Variants in EIF4G3 observed in about 807,000 individuals in gnomAD.
The protein encoded by EIF4G3 is eIF-4-gamma 3.
A neutral mutation model predicts 186.4 loss-of-function variants in EIF4G3; 34 were observed. That is an observed-to-expected ratio of 0.18 (90% CI 0.14 to 0.24). The LOEUF (loss-of-function observed/expected upper bound fraction) is 0.24, where lower values mean the gene tolerates loss of function less well. Ranked by LOEUF, EIF4G3 falls within the 10% of genes least tolerant of loss-of-function variation. EIF4G3 has a pLI of 1.00. For missense variants in EIF4G3, 1,536 were observed against 1,948.5 expected (o/e 0.79, Z 3.99); for synonymous variants, 673 against 679.5 (o/e 0.99, Z 0.15).
At chr1:20,812,760 TTA>T (rs1180580452) in intron 35 of EIF4G3, among the ~76,000 whole-genome samples, 1 of 152,210 alleles carries the variant, frequency 6.6e-6, no homozygotes, top group East Asian at 1.9e-4. Context: ...ATGTATGTAC[TTA>T]TATAACATGA....
intron 3 of EIF4G3, among the ~76,000 whole-genome samples, chr1:21,057,547 AG>A (rs1388546234): frequency 6.6e-6 from 1 of 152,146 alleles, no homozygotes; most frequent in Non-Finnish European, 1.5e-5. Flanking sequence ...TTCTGGGGAG[AG>A]AGGAAATTAT....
intron 2 of EIF4G3, among the ~76,000 whole-genome samples, chr1:21,172,118 C>CAAAAAAAA: frequency 9.5e-6 from 1 of 105,532 alleles, no homozygotes; most frequent in Non-Finnish European, 2.0e-5. Flanking sequence ...CCTCCTCTAG[C>CAAAAAAAA]AAAAAAAAAA....
chr1:21,127,181 G>A (rs190655290), intron 2 of EIF4G3, among the ~76,000 whole-genome samples: 34 of 152,226 alleles, frequency 2.2e-4, no homozygotes, highest in Middle Eastern at 3.4e-3. Flanking sequence ...TAAATATGGG[G>A]TCTCACTATG....
chr1:20,835,700 G>A (rs993124209), intron 30 of EIF4G3, among the ~76,000 whole-genome samples: 7 of 152,148 alleles, frequency 4.6e-5, no homozygotes, highest in Admixed American at 1.3e-4. Flanking sequence ...AGCACTTTGA[G>A]AGGCCAAGGT....
intron 3 of EIF4G3, among the ~76,000 whole-genome samples, chr1:21,052,104 A>T (rs1003290334): frequency 6.6e-6 from 1 of 152,204 alleles, no homozygotes; most frequent in African/African-American, 2.4e-5. Context: ...AATAATCACA[A>T]ATTTATACAA....
rs1221958542 is a variant in EIF4G3 at position 21,176,184 on chromosome 1, G to A, written c.-281C>T. Reference sequence around the variant, plus strand: ...AAGGTGAAAAGGATACTGTTGGGGCGCCTGAGTCTGGAGGGCCCTGATGTT... The same window carrying A: ...AAGGTGAAAAGGATACTGTTGGGGCACCTGAGTCTGGAGGGCCCTGATGTT... On this transcript the variant is annotated 5_prime_UTR_variant, in exon 2 of 37. Transcript: ENST00000602326. 1 of 420,162 alleles carries A rather than the reference G, an allele frequency of 2.4e-6. No homozygotes were observed. Among genetic ancestry groups the A allele is most frequent in the South Asian group, 5.9e-5 (1 of 16,836 alleles). 26.0% of individuals were successfully genotyped at this position (420,162 alleles called of 1,614,324 possible).
intron 6 of EIF4G3, among the ~76,000 whole-genome samples, chr1:21,000,434 C>T (rs2083244631): frequency 6.6e-6 from 1 of 152,048 alleles, no homozygotes; most frequent in South Asian, 2.1e-4. Flanking sequence ...AGCTGCTCTA[C>T]AAAGCCACAG....
chr1:20,900,692 T>G (rs1343876154), intron 15 of EIF4G3, among the ~76,000 whole-genome samples: 3 of 152,112 alleles, frequency 2.0e-5, no homozygotes. Context: ...TCAAAACTCC[T>G]TGAGGCAAAG....
At chr1:20,838,133 C>T (rs79992715) in intron 30 of EIF4G3, among the ~76,000 whole-genome samples, 3 of 152,108 alleles carry the variant, frequency 2.0e-5, no homozygotes, top group Non-Finnish European at 4.4e-5. Flanking sequence ...ACTGTAGCCA[C>T]GTCTGGTTAT....
rs182307855 is a variant in EIF4G3 at position 21,037,751 on chromosome 1, T to C, written c.-67+13115A>G. ...TGTATAAGATCTGAAAATGGGGGCA[T>C]CTTGCTCCTTTCAGTGAAAACCATC... On this transcript the variant is annotated intron_variant, in intron 4 of 36. Transcript: ENST00000602326. 3.5e-3 allele frequency among the ~76,000 whole-genome samples: 526 copies of C among 152,360 alleles called. 3 individuals are homozygous for C. Among genetic ancestry groups the C allele is most frequent in the Admixed American group, 8.4e-3 (128 of 15,310 alleles).
chr1:20,895,066 A>G (rs1057418343), intron 17 of EIF4G3, among the ~76,000 whole-genome samples: 5 of 152,050 alleles, frequency 3.3e-5, no homozygotes, highest in Non-Finnish European at 5.9e-5. Context: ...CAATTTAGCC[A>G]TGTTTCCCCC....
chr1:20,895,425 A>G lies in EIF4G3; in HGVS notation c.2076T>C (p.Pro692=), dbSNP rs150820198. 1.2e-6 allele frequency: 2 copies of G among 1,614,130 alleles called. No individual in the cohort carries two copies. Among genetic ancestry groups the G allele is most frequent in the East Asian group, 4.5e-5 (2 of 44,874 alleles). The change falls in exon 17 of 37, where the codon CCT becomes CCC. Residue 692 remains proline (P), a synonymous_variant. Coordinates refer to ENST00000602326, the MANE Select transcript of EIF4G3 (RefSeq NM_001391906.1). ...REFLLDFQFM[P]ACIQKPEGLP... ...GGCCCTCTGGTTTTTGTATACAGGC[A>G]GGCATGAACTGGAAGTCCAGCAGAA...
At chr1:20,866,291 C>T (rs370911084) in intron 20 of EIF4G3, among the ~76,000 whole-genome samples, 33 of 152,222 alleles carry the variant, frequency 2.2e-4, no homozygotes, top group East Asian at 7.7e-4. Flanking sequence ...TGAGAACTGA[C>T]GATGATGATG....
At chr1:20,861,868 A>G (rs10916884) in intron 23 of EIF4G3, among the ~76,000 whole-genome samples, 88,279 of 151,764 alleles carry the variant, frequency 0.58, 26,060 homozygotes, top group East Asian at 0.83. Flanking sequence ...CAGCTATTCC[A>G]GAGGCTGAGG....
At chr1:21,000,216 A>G (rs2083196443) in intron 6 of EIF4G3, among the ~76,000 whole-genome samples, 1 of 152,062 alleles carries the variant, frequency 6.6e-6, no homozygotes, top group Non-Finnish European at 1.5e-5. Flanking sequence ...TATTATTTTT[A>G]AAAAAGATTT....
intron 2 of EIF4G3, among the ~76,000 whole-genome samples, chr1:21,131,239 C>CAAAAAAAAAAAA (rs33913086): frequency 8.8e-6 from 1 of 114,136 alleles, no homozygotes; most frequent in Non-Finnish European, 1.7e-5. Context: ...GATTCTGCCT[C>CAAAAAAAAAAAA]AAAAAAAAAA....
intron 3 of EIF4G3, among the ~76,000 whole-genome samples, chr1:21,060,782 G>GAAAAAAAAAAAAAAAAAAAAAAAAAAAA (rs34598369): frequency 5.1e-5 from 6 of 117,352 alleles, no homozygotes; most frequent in Non-Finnish European, 5.1e-5. Flanking sequence ...TGTCTCTTAA[G>GAAAAAAAAAAAAAAAAAAAAAAAAAAAA]AAAAAAAAAA....
intron 12 of EIF4G3, 150 bp downstream of exon 12, chr1:20,969,324 A>G: frequency 1.2e-6 from 1 of 824,722 alleles, no homozygotes; most frequent in Non-Finnish European, 1.8e-6. Flanking sequence ...AAAGAGAAAA[A>G]ACATGTCTGT....
intron 20 of EIF4G3, among the ~76,000 whole-genome samples, chr1:20,875,304 C>A (rs1436124190): frequency 6.6e-6 from 1 of 152,152 alleles, no homozygotes; most frequent in African/African-American, 2.4e-5. Context: ...TTAAAAAAGA[C>A]TAAAGAGTAT....
Sources: gnomAD v4.1 joint callset for allele counts (sites outside exome capture counted in the v4.1 genomes callset) on GRCh38, gnomAD v4.1.1 for gene constraint, MANE v1.5 for transcripts, NCBI Gene and HGNC (gene_info 2026-07-23, HGNC 2026-07-21) for gene names.